The following ADAM12 variants were observed in gnomAD, a reference collection of about 807,000 sequenced individuals.
ADAM12 encodes the protein disintegrin and metalloproteinase domain-containing protein 12.
A neutral mutation model predicts 106.4 loss-of-function variants in ADAM12; 70 were observed. The observed-to-expected ratio is 0.66, with a 90% CI of 0.54 to 0.80. The LOEUF is 0.80. Among genes scored for constraint, ADAM12 ranks in the 30% least tolerant of loss-of-function variants. The pLI is 0.00. For missense variants in ADAM12, 1,010 were observed against 1,171.9 expected (o/e 0.86, Z 2.02); for synonymous variants, 420 against 433.5 (o/e 0.97, Z 0.39).
At chr10:126,144,042 C>T (rs1956578224) in intron 4 of ADAM12, among the ~76,000 whole-genome samples, 1 of 152,166 alleles carries the variant, frequency 6.6e-6, no homozygotes, top group Admixed American at 6.5e-5. Flanking sequence ...ATCTCTGCTC[C>T]CATGTCCATA....
chr10:126,207,971 A>AT (rs1167769414), intron 3 of ADAM12, among the ~76,000 whole-genome samples: 2 of 152,174 alleles, frequency 1.3e-5, no homozygotes, highest in Non-Finnish European at 2.9e-5. Context: ...GATTTCTGTA[A>AT]TTTTTTTCTG....
At chr10:126,212,359 G>A (rs980389670) in intron 3 of ADAM12, among the ~76,000 whole-genome samples, 2 of 152,194 alleles carry the variant, frequency 1.3e-5, no homozygotes, top group African/African-American at 2.4e-5. Context: ...TTTTCCAAGT[G>A]ACCAAAATCT....
chr10:126,166,822 T>A (rs1213953185), intron 3 of ADAM12, among the ~76,000 whole-genome samples: 1 of 152,098 alleles, frequency 6.6e-6, no homozygotes, highest in Non-Finnish European at 1.5e-5. Context: ...CTTCCTAGTA[T>A]AAGATCTATC....
chr10:126,131,095 A>C (rs1168765231), intron 5 of ADAM12, among the ~76,000 whole-genome samples: 3 of 137,864 alleles, frequency 2.2e-5, no homozygotes, highest in African/African-American at 8.4e-5. Flanking sequence ...CCTGGCTCTC[A>C]GCTGTCTTCT....
chr10:126,093,225 A>T (rs1368069435), intron 11 of ADAM12, among the ~76,000 whole-genome samples: 3 of 152,220 alleles, frequency 2.0e-5, no homozygotes, highest in African/African-American at 7.2e-5. Context: ...AAACTAGCAC[A>T]AAGTTCTAGT....
intron 1 of ADAM12, among the ~76,000 whole-genome samples, chr10:126,364,491 A>G (rs1241916479): frequency 6.6e-6 from 1 of 152,222 alleles, no homozygotes; most frequent in East Asian, 1.9e-4. Context: ...ATGTGTGTAT[A>G]TAAACTAATA....
intron 3 of ADAM12, among the ~76,000 whole-genome samples, chr10:126,202,474 G>A (rs1325593514): frequency 1.3e-5 from 2 of 152,018 alleles, no homozygotes; most frequent in Non-Finnish European, 2.9e-5. Context: ...CCGAGGGTTT[G>A]AAAAACCCCA....
chr10:126,129,919 CTTG>C (rs1427243183), intron 5 of ADAM12, among the ~76,000 whole-genome samples: 2 of 152,148 alleles, frequency 1.3e-5, no homozygotes, highest in Non-Finnish European at 2.9e-5. Context: ...TGAAAAACAA[CTTG>C]TTAATTCCCT....
At chr10:126,338,174 A>G (rs1244006999) in intron 1 of ADAM12, among the ~76,000 whole-genome samples, 1 of 152,160 alleles carries the variant, frequency 6.6e-6, no homozygotes, top group African/African-American at 2.4e-5. Context: ...TCTACTACAC[A>G]TAAACATAAC....
chr10:126,066,671 A>T lies in ADAM12; in HGVS notation c.1413+46T>A, dbSNP rs1350026703. The T allele has an allele frequency of 6.3e-7, 1 of 1,578,792 alleles. No individual in the cohort carries two copies. The highest frequency in any genetic ancestry group is 1.3e-5 in the African/African-American group (1 of 74,088). On this transcript the variant is annotated intron_variant, in intron 13 of 22. Coordinates refer to ENST00000448723, the MANE Select transcript of ADAM12 (RefSeq NM_001288973.2). This position sits in a 1 kb window ranked among gnomAD's most constrained non-coding sequence, Gnocchi z 5.1. Reference sequence around the variant, plus strand: ...CCCTGCATCAGATCTGAACCACCTGAACCTGTTGGCGACCTGGGGGTCAAG... The same window carrying T: ...CCCTGCATCAGATCTGAACCACCTGTACCTGTTGGCGACCTGGGGGTCAAG...
intron 3 of ADAM12, among the ~76,000 whole-genome samples, chr10:126,157,903 G>C (rs1284237236): frequency 6.6e-6 from 1 of 152,180 alleles, no homozygotes; most frequent in Non-Finnish European, 1.5e-5. Flanking sequence ...AAGGTGACAG[G>C]GCCCTGAAGA....
chr10:126,209,745 C>G (rs571492962), intron 3 of ADAM12, among the ~76,000 whole-genome samples: 3 of 152,188 alleles, frequency 2.0e-5, no homozygotes, highest in African/African-American at 7.2e-5. Context: ...TTTCAAACCA[C>G]AGAGGATCCA....
At chr10:126,262,285 G>T (rs1959017483) in intron 3 of ADAM12, among the ~76,000 whole-genome samples, 1 of 151,888 alleles carries the variant, frequency 6.6e-6, no homozygotes, top group African/African-American at 2.4e-5. Context: ...TATTTGTGTT[G>T]GTTTTCACTA....
intron 1 of ADAM12, among the ~76,000 whole-genome samples, chr10:126,349,546 G>A (rs1215235142): frequency 6.6e-6 from 1 of 152,194 alleles, no homozygotes; most frequent in East Asian, 1.9e-4. Flanking sequence ...GCTGGTGCCA[G>A]AGGTGCCTGT....
intron 5 of ADAM12, among the ~76,000 whole-genome samples, chr10:126,129,339 G>A (rs576928381): frequency 2.6e-5 from 4 of 152,368 alleles, no homozygotes; most frequent in African/African-American, 9.6e-5. Context: ...CAGTGGGAAC[G>A]TGGCATTTAG....
At chr10:126,233,091 A>G (rs537540744) in intron 3 of ADAM12, among the ~76,000 whole-genome samples, 3 of 152,288 alleles carry the variant, frequency 2.0e-5, no homozygotes, top group African/African-American at 7.2e-5. Flanking sequence ...CTTTGGGGAC[A>G]GATGTATGTG....
At chr10:126,172,907 C>T (rs932401171) in intron 3 of ADAM12, among the ~76,000 whole-genome samples, 8 of 152,326 alleles carry the variant, frequency 5.3e-5, no homozygotes, top group Non-Finnish European at 1.0e-4. Flanking sequence ...CACATATACA[C>T]CATGGAATAC....
At chr10:126,209,597 G>GTT (rs973981887) in intron 3 of ADAM12, among the ~76,000 whole-genome samples, 5 of 152,130 alleles carry the variant, frequency 3.3e-5, no homozygotes, top group African/African-American at 1.2e-4. Flanking sequence ...ACTCTGTTGA[G>GTT]TTTAGGGCAA....
intron 3 of ADAM12, among the ~76,000 whole-genome samples, chr10:126,243,764 T>C (rs1289933888): frequency 6.6e-6 from 1 of 152,202 alleles, no homozygotes; most frequent in Non-Finnish European, 1.5e-5. Flanking sequence ...ACCAGCCAAA[T>C]GGAAGCAGCT....
Sources: allele counts gnomAD v4.1 joint callset (sites outside exome capture counted in the v4.1 genomes callset), GRCh38; gene constraint gnomAD v4.1.1; non-coding constraint Gnocchi (gnomAD v3.1); transcripts MANE v1.5; gene names NCBI Gene and HGNC (gene_info 2026-07-23, HGNC 2026-07-21).